GOLM1: variants seen among roughly 807,000 people sequenced by gnomAD.
GOLM1 encodes the protein golgi membrane protein 1.
In GOLM1, 31 loss-of-function variants were observed where a neutral mutation model predicts 50.5. The observed-to-expected ratio is 0.61, with a 90% CI of 0.46 to 0.83. The LOEUF is 0.83. Ranked by LOEUF, GOLM1 falls within the 40% of genes least tolerant of loss-of-function variation. The probability of loss-of-function intolerance (pLI) is 0.00; values close to 1 mark genes in which losing one functional copy is unlikely to be tolerated. For synonymous variants in GOLM1, 178 were observed against 192.8 expected (o/e 0.92, Z 0.64); for missense variants, 491 against 501.3 (o/e 0.98, Z 0.20).
At chr9:86,028,198 C>T (rs1587688892) in intron 9 of GOLM1, among the ~76,000 whole-genome samples, 1 of 152,296 alleles carries the variant, frequency 6.6e-6, no homozygotes, top group East Asian at 1.9e-4. Context: ...GTTGCATTTT[C>T]CAAGACCACT....
intron 3 of GOLM1, among the ~76,000 whole-genome samples, chr9:86,053,950 GCTGA>G (rs1833909026): frequency 6.6e-6 from 1 of 151,924 alleles, no homozygotes; most frequent in African/African-American, 2.4e-5. Flanking sequence ...CAAATTCCAG[GCTGA>G]CTAAAAAAGA....
At chr9:86,060,386 C>T (rs1023773300) in intron 3 of GOLM1, among the ~76,000 whole-genome samples, 3 of 152,058 alleles carry the variant, frequency 2.0e-5, no homozygotes, top group South Asian at 2.1e-4. Flanking sequence ...TAAGATTACA[C>T]ACTCACACAC....
intron 4 of GOLM1, among the ~76,000 whole-genome samples, chr9:86,049,463 G>A (rs1833665073): frequency 6.6e-6 from 1 of 152,198 alleles, no homozygotes; most frequent in African/African-American, 2.4e-5. Flanking sequence ...ACCTTGGGCA[G>A]TATGGCCATT....
intron 1 of GOLM1, among the ~76,000 whole-genome samples, chr9:86,094,507 C>T (rs568509785): frequency 4.0e-4 from 61 of 152,284 alleles, no homozygotes; most frequent in African/African-American, 1.3e-3. Flanking sequence ...AAGATTAAAA[C>T]TTTTAAAATG....
intron 9 of GOLM1, among the ~76,000 whole-genome samples, chr9:86,031,554 C>T (rs1026353669): frequency 9.3e-5 from 14 of 150,266 alleles, no homozygotes; most frequent in African/African-American, 2.5e-4. Context: ...CTCTGCCTCC[C>T]GAGTTCACGC....
intron 4 of GOLM1, among the ~76,000 whole-genome samples, chr9:86,046,933 C>G (rs1011402816): frequency 1.4e-5 from 2 of 143,446 alleles, no homozygotes; most frequent in African/African-American, 5.4e-5. Flanking sequence ...GTCACACACA[C>G]CACCCTGCCC....
At chr9:86,053,797 A>G (rs1449411412) in intron 3 of GOLM1, among the ~76,000 whole-genome samples, 2 of 126,838 alleles carry the variant, frequency 1.6e-5, no homozygotes, top group African/African-American at 3.0e-5. Flanking sequence ...ACCGCTCCAC[A>G]CAACACCATA....
chr9:86,052,448 T>C, intron 4 of GOLM1, 89 bp downstream of exon 4: 1 of 1,064,978 alleles, frequency 9.4e-7, no homozygotes, highest in Non-Finnish European at 1.5e-6. Flanking sequence ...GAGATTATAA[T>C]GGAGACCCAC....
intron 3 of GOLM1, among the ~76,000 whole-genome samples, chr9:86,076,475 AAT>A (rs1234718092): frequency 6.7e-6 from 1 of 150,162 alleles, no homozygotes; most frequent in East Asian, 2.0e-4. Flanking sequence ...TCTAGTTAAT[AAT>A]AGAGGCCAAA....
At chr9:86,064,747 G>A (rs1002525486) in intron 3 of GOLM1, among the ~76,000 whole-genome samples, 3 of 152,168 alleles carry the variant, frequency 2.0e-5, no homozygotes, top group African/African-American at 7.2e-5. Flanking sequence ...AGTTCCCTAG[G>A]CACCCTTCCA....
Position 86,027,449 on chromosome 9 carries a change from C to T in GOLM1, c.*368G>A. 4 of 1,030,146 alleles carry T rather than the reference C, an allele frequency of 3.9e-6. No homozygotes were observed. The highest frequency in any genetic ancestry group is 4.7e-6 in the Non-Finnish European group (4 of 859,150). The allele number at this position is 1,030,146 out of a possible 1,614,324, so 63.8% of individuals were successfully genotyped here. On this transcript the variant is annotated 3_prime_UTR_variant, in exon 10 of 10. Transcript: ENST00000388712. Reference sequence around the variant, plus strand: ...AACCCAGAGTTCTCTGTCTCTCCTTCACAGCAGATGGACTCTTCTATAGGT... The same window carrying T: ...AACCCAGAGTTCTCTGTCTCTCCTTTACAGCAGATGGACTCTTCTATAGGT...
chr9:86,043,527 C>T (rs901805113), intron 5 of GOLM1, among the ~76,000 whole-genome samples: 9 of 152,118 alleles, frequency 5.9e-5, no homozygotes, highest in African/African-American at 1.4e-4. Context: ...ACAAAGTGTT[C>T]GTACTTTTTA....
chr9:86,067,173 C>A (rs1243562760), intron 3 of GOLM1, among the ~76,000 whole-genome samples: 2 of 152,212 alleles, frequency 1.3e-5, no homozygotes, highest in Non-Finnish European at 1.5e-5. Flanking sequence ...GATCCACCGG[C>A]CTTGGCCTCC....
At chr9:86,079,100 G>T in intron 2 of GOLM1, 92 bp downstream of exon 2, 2 of 1,175,926 alleles carry the variant, frequency 1.7e-6, no homozygotes, top group Non-Finnish European at 2.3e-6. Context: ...CGCCCTGGCT[G>T]GCAATAAACA....
intron 3 of GOLM1, among the ~76,000 whole-genome samples, chr9:86,057,011 A>G (rs1834013506): frequency 6.6e-6 from 1 of 152,186 alleles, no homozygotes; most frequent in South Asian, 2.1e-4. Context: ...ATTCTACTCT[A>G]AACAGCCAGG....
chr9:86,052,043 C>A (rs1188395152), intron 4 of GOLM1, among the ~76,000 whole-genome samples: 2 of 152,042 alleles, frequency 1.3e-5, no homozygotes, highest in Non-Finnish European at 2.9e-5. Flanking sequence ...TGGAAGGAGC[C>A]CCCGACAAAG....
At chr9:86,038,969 ACTT>A (rs1220157413) in intron 6 of GOLM1, among the ~76,000 whole-genome samples, 1 of 152,162 alleles carries the variant, frequency 6.6e-6, no homozygotes, top group East Asian at 1.9e-4. Context: ...AAAATTAAGA[ACTT>A]CTGTGCTTCA....
chr9:86,071,459 A>C (rs1834445224), intron 3 of GOLM1, among the ~76,000 whole-genome samples: 1 of 151,986 alleles, frequency 6.6e-6, no homozygotes, highest in Admixed American at 6.6e-5. Context: ...CAGGTGGATC[A>C]CTTGAAGTCA....
intron 3 of GOLM1, among the ~76,000 whole-genome samples, chr9:86,056,328 G>T (rs1427073356): frequency 6.6e-6 from 1 of 151,670 alleles, no homozygotes; most frequent in African/African-American, 2.4e-5. Context: ...ATAAAAAAAG[G>T]ATCATAAAAT....
Sources: allele counts gnomAD v4.1 joint callset (sites outside exome capture counted in the v4.1 genomes callset), GRCh38; gene constraint gnomAD v4.1.1; transcripts MANE v1.5; gene names NCBI Gene and HGNC (gene_info 2026-07-23, HGNC 2026-07-21).